FRMPD4: variants seen among roughly 807,000 people sequenced by gnomAD.
FRMPD4 encodes the protein FERM and PDZ domain-containing protein 4.
A neutral mutation model predicts 94.1 loss-of-function variants in FRMPD4; 22 were observed. The ratio of observed to expected loss-of-function variants is 0.23; its 90% CI spans 0.17 to 0.33. The LOEUF (loss-of-function observed/expected upper bound fraction) is 0.33, where lower values mean the gene tolerates loss of function less well. Among genes scored for constraint, FRMPD4 ranks in the 10% least tolerant of loss-of-function variants. The probability of loss-of-function intolerance (pLI) is 1.00; values close to 1 mark genes in which losing one functional copy is unlikely to be tolerated. For synonymous variants in FRMPD4, 631 were observed against 548.6 expected (o/e 1.15, Z -2.10); for missense variants, 1,111 against 1,339.9 (o/e 0.83, Z 2.67).
At chrX:12,624,247 T>C (rs2059325424) in intron 4 of FRMPD4, among the ~76,000 whole-genome samples, 1 of 112,311 alleles carries the variant, frequency 8.9e-6, no homozygotes, top group Admixed American at 9.4e-5. Context: ...TCTAATACTG[T>C]AATGGTAGTG....
chrX:12,129,851 G>T (rs1338006322), intron 3 of FRMPD4, among the ~76,000 whole-genome samples: 2 of 111,817 alleles, frequency 1.8e-5, no homozygotes, highest in African/African-American at 6.5e-5. Context: ...AGCCTGAGAT[G>T]ACATGTGCAG....
intron 1 of FRMPD4, among the ~76,000 whole-genome samples, chrX:12,311,864 T>C (rs1028913773): frequency 8.9e-6 from 1 of 111,903 alleles, no homozygotes; most frequent in African/African-American, 3.2e-5. Context: ...TTCTAATTTT[T>C]GTGTTTTCTT....
chrX:12,679,308 GT>G (rs201195935), intron 5 of FRMPD4, among the ~76,000 whole-genome samples: 1,787 of 111,562 alleles, frequency 0.016, 43 homozygotes, highest in African/African-American at 0.055. Flanking sequence ...GGAAAAAGAA[GT>G]TTTTTTTATA....
intron 1 of FRMPD4, among the ~76,000 whole-genome samples, chrX:12,386,902 G>A (rs1442916493): frequency 1.8e-5 from 2 of 111,820 alleles, no homozygotes; most frequent in Non-Finnish European, 3.8e-5. Context: ...AATCATTACG[G>A]ACAATTTGTT....
At chrX:12,523,781 G>T (rs967663367) in intron 2 of FRMPD4, among the ~76,000 whole-genome samples, 1 of 110,185 alleles carries the variant, frequency 9.1e-6, no homozygotes, top group Non-Finnish European at 1.9e-5. Flanking sequence ...AAAATGGAAT[G>T]AGAGCTCCAC....
intron 2 of FRMPD4, among the ~76,000 whole-genome samples, chrX:12,520,382 G>A (rs1490952538): frequency 2.7e-5 from 3 of 112,088 alleles, no homozygotes; most frequent in Non-Finnish European, 5.6e-5. Context: ...AAGGACAGTT[G>A]TTTAATGGGT....
chrX:12,446,727 A>G (rs990572785), intron 1 of FRMPD4, among the ~76,000 whole-genome samples: 4 of 111,945 alleles, frequency 3.6e-5, no homozygotes, highest in African/African-American at 9.8e-5. Flanking sequence ...AGGCTTCCCC[A>G]GCCATGTGGA....
intron 1 of FRMPD4, among the ~76,000 whole-genome samples, chrX:11,840,686 C>T (rs769161958): frequency 9.4e-6 from 1 of 106,929 alleles, no homozygotes; most frequent in South Asian, 4.2e-4. Context: ...TGATTTTGTG[C>T]CCTTTCTCAG....
chrX:12,411,715 A>G (rs772528195), intron 1 of FRMPD4, among the ~76,000 whole-genome samples: 1 of 111,950 alleles, frequency 8.9e-6, no homozygotes, highest in Admixed American at 9.5e-5. Context: ...TCCATAGTCC[A>G]TCCGAGACCT....
chrX:12,525,724 G>T (rs1037671657), intron 2 of FRMPD4, among the ~76,000 whole-genome samples: 7 of 111,814 alleles, frequency 6.3e-5, no homozygotes, highest in African/African-American at 2.3e-4. Flanking sequence ...ACTGCCAAAT[G>T]TTTTCCATTT....
chrX:11,908,197 G>A (rs563693168), intron 3 of FRMPD4, among the ~76,000 whole-genome samples: 3 of 111,263 alleles, frequency 2.7e-5, no homozygotes, highest in East Asian at 2.8e-4. Flanking sequence ...AAGTTTAGGC[G>A]TTTTCAATCA....
At chrX:11,843,712 C>A (rs1303053845) in intron 1 of FRMPD4, among the ~76,000 whole-genome samples, 1 of 110,613 alleles carries the variant, frequency 9.0e-6, no homozygotes, top group Non-Finnish European at 1.9e-5. Flanking sequence ...CATGTATGAC[C>A]ACATCCAACT....
chrX:12,305,725 G>GTTTTTGTTTGTTTGT (rs1555949249), intron 1 of FRMPD4, among the ~76,000 whole-genome samples: 4 of 59,721 alleles, frequency 6.7e-5, no homozygotes, highest in African/African-American at 3.0e-4. Context: ...AGCTGGCTAA[G>GTTTTTGTTTGTTTGT]TTTTTTTTTT....
intron 4 of FRMPD4, among the ~76,000 whole-genome samples, chrX:12,661,871 T>C (rs954580342): frequency 8.9e-6 from 1 of 112,033 alleles, no homozygotes; most frequent in Non-Finnish European, 1.9e-5. Flanking sequence ...GTGGCGACTT[T>C]TCTGAAAATG....
intron 4 of FRMPD4, among the ~76,000 whole-genome samples, chrX:12,650,157 G>A (rs1032512642): frequency 8.9e-6 from 1 of 112,418 alleles, no homozygotes; most frequent in African/African-American, 3.2e-5. Context: ...CACAAAACAC[G>A]GGAAGTGATA....
At chrX:12,639,310 T>A (rs1485313702) in intron 4 of FRMPD4, among the ~76,000 whole-genome samples, 1 of 112,480 alleles carries the variant, frequency 8.9e-6, no homozygotes, top group Non-Finnish European at 1.9e-5. Flanking sequence ...ATATCTCTTG[T>A]GGTCATGTAG....
intron 2 of FRMPD4, among the ~76,000 whole-genome samples, chrX:12,520,937 G>A (rs759837522): frequency 9.8e-5 from 11 of 111,712 alleles, no homozygotes; most frequent in East Asian, 2.8e-4. Flanking sequence ...AAACTTTCCC[G>A]GTGAAAGACC....
chrX:12,597,146 T>A (rs1418378526), intron 2 of FRMPD4, among the ~76,000 whole-genome samples: 1 of 112,059 alleles, frequency 8.9e-6, no homozygotes, highest in African/African-American at 3.2e-5. Context: ...AAAAGTCATC[T>A]CTTAAACACA....
intron 3 of FRMPD4, among the ~76,000 whole-genome samples, chrX:11,886,279 A>G (rs909337057): frequency 1.8e-5 from 2 of 112,183 alleles, no homozygotes; most frequent in African/African-American, 6.5e-5. Flanking sequence ...GGTGACAACT[A>G]AGGAGTCTTC....
Sources: gnomAD v4.1 joint callset for allele counts (sites outside exome capture counted in the v4.1 genomes callset) on GRCh38, gnomAD v4.1.1 for gene constraint, MANE v1.5 for transcripts, NCBI Gene and HGNC (gene_info 2026-07-23, HGNC 2026-07-21) for gene names.